Variants in PTPRD observed in about 807,000 individuals in gnomAD.
PTPRD encodes the protein receptor-type tyrosine-protein phosphatase delta.
PTPRD carries 34 observed loss-of-function variants against 214.5 expected under a neutral mutation model. That is an observed-to-expected ratio of 0.16 (90% CI 0.12 to 0.21). The LOEUF is 0.21. PTPRD is among the 10% of genes least tolerant of loss of function. PTPRD has a pLI of 1.00. For synonymous variants in PTPRD, 1,128 were observed against 845.7 expected (o/e 1.33, Z -5.79); for missense variants, 2,545 against 2,398.7 (o/e 1.06, Z -1.27).
intron 7 of PTPRD, among the ~76,000 whole-genome samples, chr9:9,729,477 G>T (rs1459249318): frequency 6.6e-6 from 1 of 152,054 alleles, no homozygotes; most frequent in Admixed American, 6.6e-5. Context: ...AGGAAAATAT[G>T]ATTTTCTATA....
chr9:8,710,687 TATAA>T lies in PTPRD; in HGVS notation c.64+23089_64+23092del, dbSNP rs768506306. On this transcript the variant is annotated intron_variant, in intron 12 of 45. Transcript: ENST00000381196. ...TATCAAAAATGTGCCCTTTCATAATTATAAATGAGTTTTTATGTCAGAATTAACA... is the reference window on the plus strand; with the variant it reads ...TATCAAAAATGTGCCCTTTCATAATTATGAGTTTTTATGTCAGAATTAACA... Among the ~76,000 whole-genome samples, 10 of 152,144 alleles carry T rather than the reference TATAA, an allele frequency of 6.6e-5. No homozygotes were observed. In the South Asian group the frequency reaches 1.0e-3, roughly 16 times the overall value.
At chr9:10,123,544 G>A (rs1022895398) in intron 3 of PTPRD, among the ~76,000 whole-genome samples, 6 of 152,232 alleles carry the variant, frequency 3.9e-5, no homozygotes, top group East Asian at 3.9e-4. Flanking sequence ...CTCCAGCCCT[G>A]TCCTTCATGA....
chr9:9,196,959 T>C (rs900230480), intron 9 of PTPRD, among the ~76,000 whole-genome samples: 3 of 152,198 alleles, frequency 2.0e-5, no homozygotes, highest in Non-Finnish European at 1.5e-5. Context: ...TTGACCATGA[T>C]AGATCTAGAT....
rs185696080 is a variant in PTPRD, at chr9:9,036,549, T to C, written c.-142-17814A>G. On this transcript the variant is annotated intron_variant, in intron 10 of 45. Transcript: ENST00000381196. ...ACTTTAGTTAATCATAATGTGTCAA[T>C]AGTAGTTTATTAATTGTATTGTAAT... Among the ~76,000 whole-genome samples, 865 of 152,250 alleles carry C rather than the reference T, an allele frequency of 5.7e-3. 5 individuals carry two copies. Among genetic ancestry groups the C allele is most frequent in the South Asian group, 0.013 (63 of 4,830 alleles).
chr9:9,541,145 A>G (rs1047471900), intron 8 of PTPRD, among the ~76,000 whole-genome samples: 1 of 151,822 alleles, frequency 6.6e-6, no homozygotes, highest in Non-Finnish European at 1.5e-5. Flanking sequence ...GTGGCTCACT[A>G]TGAACCAACT....
At chr9:10,229,689 C>T in intron 3 of PTPRD, among the ~76,000 whole-genome samples, 1 of 129,234 alleles carries the variant, frequency 7.7e-6, no homozygotes, top group East Asian at 2.8e-4. Flanking sequence ...ACATCACACT[C>T]CGGGGATGGT....
At chr9:9,548,509 G>C (rs1041117676) in intron 8 of PTPRD, among the ~76,000 whole-genome samples, 2 of 150,042 alleles carry the variant, frequency 1.3e-5, no homozygotes, top group Non-Finnish European at 3.0e-5. Context: ...CTGGGTTCAA[G>C]TGATTCTCCT....
intron 4 of PTPRD, among the ~76,000 whole-genome samples, chr9:9,957,369 T>G (rs2094011621): frequency 6.6e-6 from 1 of 152,126 alleles, no homozygotes; most frequent in African/African-American, 2.4e-5. Context: ...AAAGGACTTG[T>G]ACACATGCAG....
intron 11 of PTPRD, among the ~76,000 whole-genome samples, chr9:8,856,564 G>A (rs2097919385): frequency 6.6e-6 from 1 of 152,074 alleles, no homozygotes; most frequent in Non-Finnish European, 1.5e-5. Context: ...ACTTTAAGAG[G>A]AAATACAAGG....
At chr9:9,510,547 A>G (rs1268293217) in intron 8 of PTPRD, among the ~76,000 whole-genome samples, 2 of 151,618 alleles carry the variant, frequency 1.3e-5, no homozygotes, top group South Asian at 4.1e-4. Context: ...TTCATTTCAA[A>G]ATATTCAGTC....
At chr9:9,724,246 T>C (rs989787410) in intron 7 of PTPRD, among the ~76,000 whole-genome samples, 1 of 152,286 alleles carries the variant, frequency 6.6e-6, no homozygotes. Context: ...TTTTTAAAGG[T>C]TGCATCCAAA....
chr9:8,805,310 T>C (rs578039770), intron 11 of PTPRD, among the ~76,000 whole-genome samples: 40 of 152,306 alleles, frequency 2.6e-4, no homozygotes, highest in Non-Finnish European at 4.3e-4. Context: ...AGAATTCATT[T>C]TCCCCATTTG....
intron 3 of PTPRD, among the ~76,000 whole-genome samples, chr9:10,137,910 A>G (rs1051830907): frequency 1.6e-4 from 24 of 152,070 alleles, no homozygotes; most frequent in Non-Finnish European, 3.2e-4. Context: ...GAGGAAATGT[A>G]TAGTGCTAAA....
At chr9:8,439,917 A>C (rs1249493180) in intron 34 of PTPRD, among the ~76,000 whole-genome samples, 1 of 129,102 alleles carries the variant, frequency 7.7e-6, no homozygotes, top group African/African-American at 2.8e-5. Flanking sequence ...ACACATTTAA[A>C]TTACTTGATG....
intron 39 of PTPRD, among the ~76,000 whole-genome samples, chr9:8,357,340 C>A (rs939673486): frequency 2.6e-5 from 4 of 152,188 alleles, no homozygotes; most frequent in Admixed American, 1.3e-4. Flanking sequence ...TAGCAGCTCA[C>A]CAAGAGATGC....
chr9:9,384,805 T>A (rs1311215730), intron 9 of PTPRD, among the ~76,000 whole-genome samples: 1 of 152,076 alleles, frequency 6.6e-6, no homozygotes, highest in Non-Finnish European at 1.5e-5. Context: ...AGATTTTTAG[T>A]GATATTTCTA....
intron 14 of PTPRD, among the ~76,000 whole-genome samples, chr9:8,560,897 T>G (rs2085980289): frequency 6.7e-6 from 1 of 149,658 alleles, no homozygotes; most frequent in African/African-American, 2.5e-5. Flanking sequence ...TTAGCCTAAG[T>G]GTAAATAAAG....
chr9:9,704,360 G>T (rs1343568638), intron 7 of PTPRD, among the ~76,000 whole-genome samples: 1 of 151,408 alleles, frequency 6.6e-6, no homozygotes, highest in East Asian at 1.9e-4. Context: ...ATATCCACTC[G>T]ACATATTATT....
At chr9:9,953,491 T>C (rs1466190727) in intron 4 of PTPRD, among the ~76,000 whole-genome samples, 1 of 137,196 alleles carries the variant, frequency 7.3e-6, no homozygotes, top group African/African-American at 3.0e-5. Flanking sequence ...GAGGGAATTG[T>C]GGACACACAC....
Sources: gnomAD v4.1 joint callset for allele counts (sites outside exome capture counted in the v4.1 genomes callset) on GRCh38, gnomAD v4.1.1 for gene constraint, MANE v1.5 for transcripts, NCBI Gene and HGNC (gene_info 2026-07-23, HGNC 2026-07-21) for gene names.